Variants in LRBA observed in about 807,000 individuals in gnomAD.
The protein encoded by LRBA is LPS responsive beige-like anchor protein, also known as lipopolysaccharide-responsive and beige-like anchor protein.
Under a neutral mutation model 330.0 loss-of-function variants are expected in LRBA, and 176 were observed. The observed-to-expected ratio is 0.53, with a 90% confidence interval of 0.47 to 0.60. The LOEUF is 0.60. Among genes scored for constraint, LRBA ranks in the 20% least tolerant of loss-of-function variants. The probability of loss-of-function intolerance (pLI) is 0.00; values close to 1 mark genes in which losing one functional copy is unlikely to be tolerated. For synonymous variants in LRBA, 1,230 were observed against 1,193.0 expected (o/e 1.03, Z -0.64); for missense variants, 3,259 against 3,444.8 (o/e 0.95, Z 1.35).
intron 42 of LRBA, among the ~76,000 whole-genome samples, chr4:150,472,094 CAT>C (rs759843305): frequency 6.6e-5 from 10 of 152,052 alleles, no homozygotes; most frequent in African/African-American, 1.2e-4. Context: ...ATTCTATTCA[CAT>C]GTCTTTATTA....
chr4:150,861,166 T>C (rs1751872737), intron 22 of LRBA, among the ~76,000 whole-genome samples: 1 of 152,104 alleles, frequency 6.6e-6, no homozygotes, highest in Admixed American at 6.5e-5. Context: ...GGCACAATCA[T>C]AGTTCACTGT....
intron 40 of LRBA, among the ~76,000 whole-genome samples, chr4:150,510,908 T>C (rs1761756777): frequency 6.6e-6 from 1 of 152,078 alleles, no homozygotes; most frequent in East Asian, 1.9e-4. Context: ...CAAGCTGGAG[T>C]GCAGTGGCGT....
At chr4:150,313,885 T>C (rs1372028139) in intron 51 of LRBA, among the ~76,000 whole-genome samples, 1 of 150,430 alleles carries the variant, frequency 6.6e-6, no homozygotes, top group Non-Finnish European at 1.5e-5. Context: ...TTTTATATAA[T>C]ATTTTAAATA....
intron 2 of LRBA, chr4:151,013,470 T>G (rs74476799): frequency 2.0e-5 from 3 of 152,168 alleles, no homozygotes; most frequent in Admixed American, 6.5e-5. Flanking sequence ...AATTCAAAAC[T>G]AGCCTAGGCA....
chr4:150,345,861 C>A (rs1006074298), intron 48 of LRBA, among the ~76,000 whole-genome samples: 1 of 151,964 alleles, frequency 6.6e-6, no homozygotes, highest in Non-Finnish European at 1.5e-5. Flanking sequence ...GCTGGATTGC[C>A]ATGGTACAAT....
At chr4:150,909,400 T>C (rs1181449992) in intron 9 of LRBA, among the ~76,000 whole-genome samples, 1 of 152,172 alleles carries the variant, frequency 6.6e-6, no homozygotes, top group East Asian at 1.9e-4. Context: ...ACCCAAGCAT[T>C]TCATTTAGCA....
chr4:150,968,033 C>G (rs1357200585), intron 2 of LRBA, among the ~76,000 whole-genome samples: 1 of 135,330 alleles, frequency 7.4e-6, no homozygotes, highest in African/African-American at 2.8e-5. Context: ...GAGACAGAGT[C>G]TCACTCTGTC....
chr4:150,953,957 A>G (rs1245921947), intron 2 of LRBA, among the ~76,000 whole-genome samples: 2 of 15,650 alleles, frequency 1.3e-4, no homozygotes, highest in Non-Finnish European at 3.3e-4. Context: ...GGATGTGGGG[A>G]GCGCCTCTGC....
chr4:150,767,792 G>A (rs565122976), intron 34 of LRBA, among the ~76,000 whole-genome samples: 10 of 141,668 alleles, frequency 7.1e-5, no homozygotes, highest in Non-Finnish European at 1.2e-4. Flanking sequence ...GGCCAGGCGC[G>A]GTGGCTCACA....
At chr4:150,801,502 T>C (rs1741609428) in intron 33 of LRBA, among the ~76,000 whole-genome samples, 1 of 152,216 alleles carries the variant, frequency 6.6e-6, no homozygotes, top group African/African-American at 2.4e-5. Flanking sequence ...TGCAAACATT[T>C]AGAATAATCA....
intron 36 of LRBA, among the ~76,000 whole-genome samples, chr4:150,702,942 C>T (rs1785254364): frequency 6.6e-6 from 1 of 152,156 alleles, no homozygotes; most frequent in South Asian, 2.1e-4. Context: ...GGGGGATCAC[C>T]TGAGATCACA....
chr4:150,636,346 GATAATATT>G, intron 37 of LRBA, among the ~76,000 whole-genome samples: 1 of 151,862 alleles, frequency 6.6e-6, no homozygotes, highest in Non-Finnish European at 1.5e-5. Flanking sequence ...CTATCTATTA[GATAATATT>G]ATCTATTTTG....
chr4:150,944,848 G>A (rs1289629074), intron 2 of LRBA, among the ~76,000 whole-genome samples: 1 of 152,178 alleles, frequency 6.6e-6, no homozygotes, highest in Non-Finnish European at 1.5e-5. Flanking sequence ...CCAGTGGTGG[G>A]TAACTGAATC....
At position 150,852,297 on chromosome 4, in the gene LRBA, G is replaced by A. The variant is rs1004655907; in HGVS notation, c.3413C>T (p.Ala1138Val). 3.7e-6 allele frequency: 6 copies of A among 1,613,922 alleles called. No homozygotes were observed. Among genetic ancestry groups the A allele is most frequent in the African/African-American group, 1.3e-5 (1 of 74,946 alleles). ...GTCCAGTTTTTCACCGGCTTCAGATGCAGCTGGAGACAAACTGTTATCTTG... is the reference window on the plus strand; with the variant it reads ...GTCCAGTTTTTCACCGGCTTCAGATACAGCTGGAGACAAACTGTTATCTTG... ...ELQDNSLSPA[A>V]SEAGEKLDMF... is the part of the protein sequence containing the mutation. The change falls in exon 23 of 57, where the codon GCA (alanine) becomes GTA (valine). Residue 1138 changes from alanine (A) to valine (V), a missense_variant. Transcript: ENST00000651943.
chr4:150,953,596 G>A (rs1182542807), intron 2 of LRBA, among the ~76,000 whole-genome samples: 6 of 152,064 alleles, frequency 3.9e-5, no homozygotes, highest in Non-Finnish European at 7.4e-5. Context: ...AGCTCCTACC[G>A]CGAGTGATCT....
At chr4:150,363,701 A>G (rs1739042776) in intron 47 of LRBA, among the ~76,000 whole-genome samples, 1 of 152,154 alleles carries the variant, frequency 6.6e-6, no homozygotes, top group African/African-American at 2.4e-5. Context: ...TGCTTCTCAT[A>G]ATGGCAGCCC....
intron 28 of LRBA, among the ~76,000 whole-genome samples, chr4:150,837,725 T>A (rs1035082277): frequency 6.6e-6 from 1 of 152,250 alleles, no homozygotes; most frequent in Non-Finnish European, 1.5e-5. Context: ...AGCACACTGA[T>A]GGGTCTTGAC....
chr4:150,776,109 A>G (rs550343610), intron 34 of LRBA, among the ~76,000 whole-genome samples: 2 of 152,300 alleles, frequency 1.3e-5, no homozygotes, highest in South Asian at 4.1e-4. Context: ...TAAGTACTCA[A>G]TGGTCGTCTT....
At chr4:150,278,072 G>A in intron 55 of LRBA, 68 bp from the exon 56 acceptor site, 3 of 1,439,824 alleles carry the variant, frequency 2.1e-6, no homozygotes, top group Non-Finnish European at 2.9e-6. Flanking sequence ...CCCTGTTTTT[G>A]AGTCATTCTT....
Sources: allele counts gnomAD v4.1 joint callset (sites outside exome capture counted in the v4.1 genomes callset), GRCh38; gene constraint gnomAD v4.1.1; transcripts MANE v1.5; gene names NCBI Gene and HGNC (gene_info 2026-07-23, HGNC 2026-07-21).